Variants in CDH10 observed in about 807,000 individuals in gnomAD.
The protein encoded by CDH10 is cadherin 10.
Under a neutral mutation model 73.1 loss-of-function variants are expected in CDH10, and 30 were observed. The observed-to-expected ratio is 0.41, with a 90% CI of 0.31 to 0.56. CDH10 has a LOEUF of 0.56. CDH10 is among the 20% of genes least tolerant of loss of function. The pLI, the probability that CDH10 is intolerant of heterozygous loss-of-function variation, is 0.27. For synonymous variants in CDH10, 345 were observed against 348.2 expected (o/e 0.99, Z 0.10); for missense variants, 815 against 973.7 (o/e 0.84, Z 2.17).
chr5:24,619,589 T>A (rs1356043025), intron 1 of CDH10, among the ~76,000 whole-genome samples: 2 of 152,208 alleles, frequency 1.3e-5, no homozygotes, highest in African/African-American at 4.8e-5. Context: ...AAAACAAATG[T>A]ATTTTGCCTG....
chr5:24,498,940 GAGC>G, intron 8 of CDH10, among the ~76,000 whole-genome samples: 2 of 151,286 alleles, frequency 1.3e-5, no homozygotes, highest in Non-Finnish European at 2.9e-5. Context: ...TTGTTTTTTT[GAGC>G]AGCAGCAAGA....
chr5:24,554,908 C>T (rs1208248483), intron 2 of CDH10, among the ~76,000 whole-genome samples: 2 of 151,864 alleles, frequency 1.3e-5, no homozygotes, highest in African/African-American at 2.4e-5. Context: ...AATATTTTAT[C>T]TTTGCATTTT....
At chr5:24,515,295 C>G (rs1423576914) in intron 5 of CDH10, among the ~76,000 whole-genome samples, 1 of 152,036 alleles carries the variant, frequency 6.6e-6, no homozygotes, top group African/African-American at 2.4e-5. Context: ...CCAAAGAGTT[C>G]AAACAGTTTT....
chr5:24,621,693 ATCTC>A (rs71912290), intron 1 of CDH10, among the ~76,000 whole-genome samples: 2 of 151,988 alleles, frequency 1.3e-5, no homozygotes, highest in African/African-American at 2.4e-5. Flanking sequence ...AGCCTAGTTG[ATCTC>A]TCTCTCTCTT....
chr5:24,584,868 A>G (rs542692678), intron 2 of CDH10, among the ~76,000 whole-genome samples: 1 of 148,842 alleles, frequency 6.7e-6, no homozygotes, highest in Non-Finnish European at 1.5e-5. Context: ...CCCCCCTGAT[A>G]CAAGGTCTCA....
chr5:24,521,987 A>G (rs1021827454), intron 5 of CDH10, among the ~76,000 whole-genome samples: 9 of 152,042 alleles, frequency 5.9e-5, no homozygotes, highest in African/African-American at 2.2e-4. Flanking sequence ...TACAAAAATT[A>G]GCCTGGTATG....
At chr5:24,600,233 C>A (rs1746512969) in intron 1 of CDH10, among the ~76,000 whole-genome samples, 1 of 152,090 alleles carries the variant, frequency 6.6e-6, no homozygotes, top group African/African-American at 2.4e-5. Context: ...TTGTGTAAAT[C>A]CTTCAATTAT....
chr5:24,521,442 A>G (rs1272990184), intron 5 of CDH10, among the ~76,000 whole-genome samples: 1 of 152,024 alleles, frequency 6.6e-6, no homozygotes, highest in Middle Eastern at 3.2e-3. Flanking sequence ...TAACATGGAG[A>G]AACCTCCTTA....
intron 1 of CDH10, among the ~76,000 whole-genome samples, chr5:24,637,125 A>G (rs1034257657): frequency 1.3e-5 from 2 of 152,000 alleles, no homozygotes; most frequent in African/African-American, 4.8e-5. Flanking sequence ...AAGCTGGAAT[A>G]TAACAAGTCA....
chr5:24,579,670 T>C (rs1052812797), intron 2 of CDH10, among the ~76,000 whole-genome samples: 2 of 152,122 alleles, frequency 1.3e-5, no homozygotes, highest in African/African-American at 4.8e-5. Flanking sequence ...GGTTGACACA[T>C]TCTCTTCTCC....
In CDH10 at chr5:24,508,941, T is replaced by G. The variant is rs143143908; in HGVS notation, c.1256+625A>C. ...TTGACATAGCACCCTGGATCTGTAC[T>G]AGGGATCAGAACAATAAACACCGTA... On this transcript the variant is annotated intron_variant, in intron 7 of 11. Transcript: ENST00000264463. Among the ~76,000 whole-genome samples the G allele has an allele frequency of 2.7e-3, 411 of 152,270 alleles. 3 individuals carry two copies. The highest frequency in any genetic ancestry group is 9.4e-3 in the African/African-American group (392 of 41,562).
At chr5:24,541,673 C>T (rs10473690) in intron 2 of CDH10, among the ~76,000 whole-genome samples, 133,369 of 151,858 alleles carry the variant, frequency 0.88, 59,516 homozygotes, top group Non-Finnish European at 0.96. Flanking sequence ...ATAAAAAAAT[C>T]AGATTATTGT....
In CDH10 at chr5:24,608,355, C is replaced by T. The variant is rs187369048; in HGVS notation, c.-123-14742G>A. On this transcript the variant is annotated intron_variant, in intron 1 of 11. Coordinates refer to ENST00000264463, the MANE Select transcript of CDH10 (RefSeq NM_006727.5). ...GTCACCAAGCTGGAGTGTAGTGGCG[C>T]GATCTTGGCTCACTGCAACCTCTGG... Among the ~76,000 whole-genome samples the T allele has an allele frequency of 5.7e-3, 872 of 152,084 alleles. 8 individuals are homozygous for T. Among genetic ancestry groups the T allele is most frequent in the Non-Finnish European group, 6.6e-3 (447 of 67,990 alleles).
intron 1 of CDH10, among the ~76,000 whole-genome samples, chr5:24,615,999 C>T (rs1014585130): frequency 2.0e-5 from 3 of 151,976 alleles, no homozygotes; most frequent in Admixed American, 1.3e-4. Flanking sequence ...GTTTTAATTA[C>T]CCCAAATCAT....
At chr5:24,598,672 G>C (rs1746457150) in intron 1 of CDH10, among the ~76,000 whole-genome samples, 1 of 151,976 alleles carries the variant, frequency 6.6e-6, no homozygotes, top group Non-Finnish European at 1.5e-5. Context: ...ACAAAGGTTT[G>C]GTAGTCTTAG....
intron 2 of CDH10, among the ~76,000 whole-genome samples, chr5:24,588,973 T>C (rs981507850): frequency 1.3e-5 from 2 of 152,142 alleles, no homozygotes; most frequent in Non-Finnish European, 2.9e-5. Flanking sequence ...AAATAGGACA[T>C]GGGAATATTT....
intron 5 of CDH10, among the ~76,000 whole-genome samples, chr5:24,517,669 G>C (rs1264916439): frequency 6.6e-6 from 1 of 152,110 alleles, no homozygotes; most frequent in Non-Finnish European, 1.5e-5. Context: ...GATAAAGATA[G>C]TTGAATGAAG....
intron 9 of CDH10, 34 bp from the exon 10 acceptor site, chr5:24,492,959 A>C (rs772801875): frequency 4.8e-6 from 4 of 836,816 alleles, no homozygotes; most frequent in Non-Finnish European, 8.4e-6. Flanking sequence ...TCATCAATAT[A>C]TCTCTTATCC....
chr5:24,518,442 T>C (rs2111800957), intron 5 of CDH10, among the ~76,000 whole-genome samples: 1 of 152,140 alleles, frequency 6.6e-6, no homozygotes, highest in East Asian at 1.9e-4. Context: ...CACAGATAAA[T>C]ATATTTATAT....
Sources: gnomAD v4.1 joint callset for allele counts (sites outside exome capture counted in the v4.1 genomes callset) on GRCh38, gnomAD v4.1.1 for gene constraint, MANE v1.5 for transcripts, NCBI Gene and HGNC (gene_info 2026-07-23, HGNC 2026-07-21) for gene names.